PAK1: variants seen among roughly 807,000 people sequenced by gnomAD.
PAK1 encodes the protein serine/threonine-protein kinase PAK 1.
A neutral mutation model predicts 67.4 loss-of-function variants in PAK1; 29 were observed. That is an observed-to-expected ratio of 0.43 (90% CI 0.32 to 0.59). The LOEUF is 0.59. Ranked by LOEUF, PAK1 falls within the 20% of genes least tolerant of loss-of-function variation. The pLI is 0.07. For synonymous variants in PAK1, 223 were observed against 237.4 expected, an observed-to-expected ratio of 0.94 and a Z score of 0.56; for missense variants, 337 against 670.7, an observed-to-expected ratio of 0.50 and a Z score of 5.50.
intron 1 of PAK1, among the ~76,000 whole-genome samples, chr11:77,463,238 AAGAC>A (rs1957442230): frequency 6.6e-6 from 1 of 152,188 alleles, no homozygotes. Context: ...GCTTCAAAAT[AAGAC>A]AGGTTAATGA....
chr11:77,355,851 T>G lies in PAK1; in HGVS notation c.598-9A>C, dbSNP rs762486609. 37 of 1,611,680 alleles carry G rather than the reference T, an allele frequency of 2.3e-5. No homozygotes were observed. Among genetic ancestry groups the G allele is most frequent in the Non-Finnish European group, 3.1e-5 (37 of 1,178,412 alleles). On this transcript the variant is annotated splice_polypyrimidine_tract_variant and intron_variant, in intron 6 of 14. Coordinates refer to ENST00000356341, the MANE Select transcript of PAK1 (RefSeq NM_002576.5). ...ACAGACCGTGTGTATACCTGCATTA[T>G]TAGTGCAAAATTTTGGCAAGACCAG...
intron 10 of PAK1, among the ~76,000 whole-genome samples, chr11:77,342,818 G>T (rs997761527): frequency 6.6e-6 from 1 of 151,716 alleles, no homozygotes; most frequent in Non-Finnish European, 1.5e-5. Flanking sequence ...AAAGAAATTA[G>T]AGTCCAAGAT....
chr11:77,489,413 C>G, the PAK1 span, among the ~76,000 whole-genome samples: 2 of 151,594 alleles, frequency 1.3e-5, no homozygotes, highest in Non-Finnish European at 2.9e-5. Context: ...CCTCTCTCCT[C>G]TCTCCTCTCT....
At chr11:77,374,700 G>A (rs777716173) in intron 4 of PAK1, among the ~76,000 whole-genome samples, 4 of 152,160 alleles carry the variant, frequency 2.6e-5, no homozygotes, top group Admixed American at 6.5e-5. Flanking sequence ...ATCATAGAGT[G>A]TACTTACACA....
intron 12 of PAK1, 129 bp from the exon 13 acceptor site, chr11:77,336,411 C>T: frequency 1.7e-6 from 1 of 579,922 alleles, no homozygotes; most frequent in Non-Finnish European, 3.0e-6. Context: ...CTTTGTCTCT[C>T]CAAAGTCACT....
chr11:77,501,155 AAAAAAAC>A, the PAK1 span, among the ~76,000 whole-genome samples: 1,886 of 148,624 alleles, frequency 0.013, 32 homozygotes, highest in African/African-American at 0.043. Flanking sequence ...CGTCTCAAAA[AAAAAAAC>A]AAAAAACAAA....
rs1938632615 is a variant in PAK1, at chr11:77,322,285, C to G, written c.*989G>C. On this transcript the variant is annotated 3_prime_UTR_variant, in exon 15 of 15. Coordinates refer to ENST00000356341, the MANE Select transcript of PAK1 (RefSeq NM_002576.5). Reference sequence around the variant, plus strand: ...CCTCACAGCTGGCAGGGTATCATGTCAGGCCACCAAATCCATCCAGAACTA... The same window carrying G: ...CCTCACAGCTGGCAGGGTATCATGTGAGGCCACCAAATCCATCCAGAACTA... The G allele has an allele frequency of 5.1e-6, 1 of 196,384 alleles. No homozygotes were observed. Among genetic ancestry groups the G allele is most frequent in the Admixed American group, 6.1e-5 (1 of 16,464 alleles). 12.2% of individuals were successfully genotyped at this position (196,384 alleles called of 1,614,324 possible). A position where few individuals can be genotyped will look rare whatever the true frequency, so the allele number is the denominator to read the frequency against.
chr11:77,459,496 C>T (rs1279216515), intron 1 of PAK1, among the ~76,000 whole-genome samples: 1 of 152,190 alleles, frequency 6.6e-6, no homozygotes, highest in African/African-American at 2.4e-5. Flanking sequence ...TATTTACAAG[C>T]CTCACTGTGT....
intron 1 of PAK1, among the ~76,000 whole-genome samples, chr11:77,433,751 C>T (rs1471047487): frequency 2.0e-5 from 3 of 152,158 alleles, no homozygotes; most frequent in Non-Finnish European, 4.4e-5. Flanking sequence ...TGCACTCCAG[C>T]GTGGGCGACA....
intron 1 of PAK1, among the ~76,000 whole-genome samples, chr11:77,442,803 A>G (rs140730644): frequency 0.029 from 4,421 of 152,300 alleles, 104 homozygotes; most frequent in Non-Finnish European, 0.045. Context: ...AGCCCCGATC[A>G]TGAAACCAAA....
At chr11:77,515,195 T>A in the PAK1 span, among the ~76,000 whole-genome samples, 3 of 152,242 alleles carry the variant, frequency 2.0e-5, no homozygotes, top group East Asian at 5.8e-4. Context: ...ACACCATGTG[T>A]GCCTGGCAAA....
At chr11:77,410,745 G>A (rs975682148) in intron 1 of PAK1, among the ~76,000 whole-genome samples, 2 of 151,324 alleles carry the variant, frequency 1.3e-5, no homozygotes, top group African/African-American at 4.9e-5. Context: ...AGAAAAGTGA[G>A]GAGAGGAAGA....
intron 1 of PAK1, among the ~76,000 whole-genome samples, chr11:77,461,926 G>C (rs977890622): frequency 6.6e-6 from 1 of 152,196 alleles, no homozygotes; most frequent in Non-Finnish European, 1.5e-5. Context: ...AGGCCTTCAA[G>C]GGTCTCAGTC....
chr11:77,493,070 C>T, the PAK1 span, among the ~76,000 whole-genome samples: 5 of 152,152 alleles, frequency 3.3e-5, no homozygotes, highest in Non-Finnish European at 7.4e-5. Flanking sequence ...GACTAATACA[C>T]TCCTGCCTCA....
intron 5 of PAK1, among the ~76,000 whole-genome samples, chr11:77,373,671 G>A (rs1302204207): frequency 6.6e-6 from 1 of 151,920 alleles, no homozygotes; most frequent in African/African-American, 2.4e-5. Flanking sequence ...TAAGTGCCCT[G>A]GGAAATAGAA....
intron 1 of PAK1, among the ~76,000 whole-genome samples, chr11:77,415,988 T>TTATTATTATTATTATTAC (rs1404572218): frequency 6.6e-6 from 1 of 150,646 alleles, no homozygotes; most frequent in Non-Finnish European, 1.5e-5. Flanking sequence ...ATTATTATTA[T>TTATTATTATTATTATTAC]TATTATTAGA....
chr11:77,378,932 T>C (rs1417466835), intron 4 of PAK1, among the ~76,000 whole-genome samples: 1 of 152,120 alleles, frequency 6.6e-6, no homozygotes, highest in African/African-American at 2.4e-5. Context: ...CATTTTGAGA[T>C]GCAAAGAAAT....
At chr11:77,413,168 G>C (rs750098749) in intron 1 of PAK1, among the ~76,000 whole-genome samples, 1 of 152,148 alleles carries the variant, frequency 6.6e-6, no homozygotes, top group Non-Finnish European at 1.5e-5. Context: ...TTTTAGCAGT[G>C]GGAAGGCTTT....
At chr11:77,328,317 A>C (rs1245962250) in intron 14 of PAK1, among the ~76,000 whole-genome samples, 3 of 152,192 alleles carry the variant, frequency 2.0e-5, no homozygotes, top group Non-Finnish European at 4.4e-5. Flanking sequence ...TCCACCCCAA[A>C]TCAACAGAAT....
Sources: gnomAD v4.1 joint callset for allele counts (sites outside exome capture counted in the v4.1 genomes callset) on GRCh38, gnomAD v4.1.1 for gene constraint, MANE v1.5 for transcripts, NCBI Gene and HGNC (gene_info 2026-07-23, HGNC 2026-07-21) for gene names.